Variants in TSPAN8 observed in about 807,000 individuals in gnomAD.
TSPAN8 encodes the protein tetraspanin 8.
Under a neutral mutation model 32.8 loss-of-function variants are expected in TSPAN8, and 21 were observed. The ratio of observed to expected loss-of-function variants is 0.64; its 90% CI spans 0.45 to 0.92. The LOEUF is 0.92. Among genes scored for constraint, TSPAN8 ranks in the 40% least tolerant of loss-of-function variants. The probability of loss-of-function intolerance (pLI) is 0.00; values close to 1 mark genes in which losing one functional copy is unlikely to be tolerated. For missense variants in TSPAN8, 269 were observed against 281.9 expected, an observed-to-expected ratio of 0.95 and a Z score of 0.33; for synonymous variants, 95 against 94.6, an observed-to-expected ratio of 1.00 and a Z score of -0.03.
At chr12:71,132,627 G>A (rs1462537159) in intron 7 of TSPAN8, 66 bp downstream of exon 7, 8 of 1,549,264 alleles carry the variant, frequency 5.2e-6, no homozygotes, top group East Asian at 4.6e-5. Context: ...ATTTTTTGTA[G>A]GGACTTTAAT....
chr12:71,157,596 A>G, intron 2 of TSPAN8, 23 bp downstream of exon 2: 1 of 1,532,428 alleles, frequency 6.5e-7, no homozygotes, highest in East Asian at 2.2e-5. Flanking sequence ...CATAAAATTG[A>G]TAATTAAAAG....
chr12:71,139,315 G>C (rs1374553595), intron 4 of TSPAN8: 2 of 451,476 alleles, frequency 4.4e-6, no homozygotes, highest in Non-Finnish European at 8.6e-6. Context: ...CTTCTGCCCT[G>C]GTTTGAAAAT....
chr12:71,137,734 C>A (rs1216287810), intron 6 of TSPAN8, among the ~76,000 whole-genome samples: 1 of 152,148 alleles, frequency 6.6e-6, no homozygotes, highest in Non-Finnish European at 1.5e-5. Flanking sequence ...ATAAATGTAT[C>A]TTCTTAATTT....
At position 71,125,138 on chromosome 12, in the gene TSPAN8, C is replaced by A; in HGVS notation, c.*196G>T. 1 of 483,700 alleles carries A rather than the reference C, an allele frequency of 2.1e-6. No individual in the cohort carries two copies. Among genetic ancestry groups the A allele is most frequent in the East Asian group, 3.2e-5 (1 of 30,828 alleles). 30.0% of individuals were successfully genotyped at this position (483,700 alleles called of 1,614,324 possible). On this transcript the variant is annotated 3_prime_UTR_variant, in exon 9 of 9. Coordinates refer to ENST00000247829, the MANE Select transcript of TSPAN8 (RefSeq NM_004616.3). Reference sequence around the variant, plus strand: ...TTTATTTTGAGTAAAAATACACATTCATATCATTTTCCCTTATATCCCTCA... The same window carrying A: ...TTTATTTTGAGTAAAAATACACATTAATATCATTTTCCCTTATATCCCTCA...
intron 6 of TSPAN8, among the ~76,000 whole-genome samples, chr12:71,134,781 C>T (rs1326358930): frequency 6.6e-6 from 1 of 152,108 alleles, no homozygotes; most frequent in African/African-American, 2.4e-5. Context: ...CCTCAGGACT[C>T]CTTAGGGAGG....
chr12:71,129,446 T>C (rs764614275), intron 7 of TSPAN8, 32 bp from the exon 8 acceptor site: 32 of 1,536,216 alleles, frequency 2.1e-5, no homozygotes, highest in Middle Eastern at 1.8e-4. Context: ...AAAAGTTACC[T>C]CTCAGAAAAA....
At chr12:71,129,563 G>C in intron 7 of TSPAN8, 149 bp from the exon 8 acceptor site, 1 of 894,098 alleles carries the variant, frequency 1.1e-6, no homozygotes, top group Non-Finnish European at 1.5e-6. Flanking sequence ...TCCACTCCCT[G>C]CTTCACCTTT....
intron 2 of TSPAN8, among the ~76,000 whole-genome samples, chr12:71,150,783 G>A (rs899156595): frequency 6.6e-6 from 1 of 152,104 alleles, no homozygotes; most frequent in Non-Finnish European, 1.5e-5. Context: ...TACTGTTCTT[G>A]TGGTAGTGAA....
chr12:71,139,250 A>C lies in TSPAN8; in HGVS notation c.261+461T>G, dbSNP rs1313966375. The C allele has an allele frequency of 1.7e-5, 8 of 457,618 alleles. No individual in the cohort carries two copies. In the East Asian group the frequency reaches 5.5e-4, roughly 32 times the overall value. 28.3% of individuals were successfully genotyped at this position (457,618 alleles called of 1,614,324 possible). A position where few individuals can be genotyped will look rare whatever the true frequency, so the allele number is the denominator to read the frequency against. On this transcript the variant is annotated intron_variant, in intron 4 of 8. Coordinates refer to ENST00000247829, the MANE Select transcript of TSPAN8 (RefSeq NM_004616.3). The stretch of plus-strand genomic sequence containing the variant: ...CCAAACACACCAGCACTGTACTGCC[A>C]CGTTGTCTTTCCGGAAAGCTTTTCC...
At chr12:71,148,686 A>G (rs1297209653) in intron 2 of TSPAN8, among the ~76,000 whole-genome samples, 1 of 152,056 alleles carries the variant, frequency 6.6e-6, no homozygotes, top group Non-Finnish European at 1.5e-5. Flanking sequence ...CTTTCACAAT[A>G]TTCTGATTTC....
intron 2 of TSPAN8, among the ~76,000 whole-genome samples, chr12:71,147,868 TG>T (rs1220628628): frequency 6.6e-6 from 1 of 152,200 alleles, no homozygotes; most frequent in Non-Finnish European, 1.5e-5. Context: ...CCTGTATCCA[TG>T]TTTTTTCTTT....
chr12:71,128,949 A>G (rs1269000379), intron 8 of TSPAN8, among the ~76,000 whole-genome samples: 1 of 152,168 alleles, frequency 6.6e-6, no homozygotes, highest in Non-Finnish European at 1.5e-5. Flanking sequence ...AAGAAATTGT[A>G]AAGGTCGTAT....
At chr12:71,126,399 G>A (rs1297219763) in intron 8 of TSPAN8, among the ~76,000 whole-genome samples, 1 of 152,138 alleles carries the variant, frequency 6.6e-6, no homozygotes, top group Non-Finnish European at 1.5e-5. Context: ...TGTGGGACAA[G>A]TATCAAGAAA....
At chr12:71,129,150 G>C (rs575203066) in intron 8 of TSPAN8, among the ~76,000 whole-genome samples, 181 bp downstream of exon 8, 1 of 151,852 alleles carries the variant, frequency 6.6e-6, no homozygotes, top group Admixed American at 6.5e-5. Context: ...CTCCCCCTCA[G>C]ACTCAGGCTG....
At chr12:71,144,074 A>G in intron 3 of TSPAN8, 77 bp downstream of exon 3, 4 of 1,285,386 alleles carry the variant, frequency 3.1e-6, no homozygotes, top group East Asian at 2.5e-5. Context: ...GTTTATTACT[A>G]TTATTGTTAT....
chr12:71,156,513 TTTAC>T (rs1182643023), intron 2 of TSPAN8, among the ~76,000 whole-genome samples: 1 of 152,176 alleles, frequency 6.6e-6, no homozygotes, highest in Non-Finnish European at 1.5e-5. Flanking sequence ...TTTTTAAATA[TTTAC>T]TTACTTATTT....
chr12:71,155,098 T>G (rs1374693364), intron 2 of TSPAN8, among the ~76,000 whole-genome samples: 1 of 152,228 alleles, frequency 6.6e-6, no homozygotes, highest in Non-Finnish European at 1.5e-5. Flanking sequence ...GAGAAAGAAG[T>G]ATTTTATGCC....
chr12:71,129,554 C>A, intron 7 of TSPAN8, 140 bp from the exon 8 acceptor site: 1 of 925,772 alleles, frequency 1.1e-6, no homozygotes, highest in Non-Finnish European at 1.5e-6. Flanking sequence ...GTTATTCCTT[C>A]CACTCCCTGC....
At chr12:71,154,226 C>T (rs1872349418) in intron 2 of TSPAN8, among the ~76,000 whole-genome samples, 1 of 151,722 alleles carries the variant, frequency 6.6e-6, no homozygotes, top group Non-Finnish European at 1.5e-5. Context: ...AGGAGAATCG[C>T]TAGAACCTGG....
Sources: gnomAD v4.1 joint callset for allele counts (sites outside exome capture counted in the v4.1 genomes callset) on GRCh38, gnomAD v4.1.1 for gene constraint, MANE v1.5 for transcripts, NCBI Gene and HGNC (gene_info 2026-07-23, HGNC 2026-07-21) for gene names.